Variants in NOS1AP observed in about 807,000 individuals in gnomAD.
The protein encoded by NOS1AP is carboxyl-terminal PDZ ligand of neuronal nitric oxide synthase protein.
Under a neutral mutation model 56.2 loss-of-function variants are expected in NOS1AP, and 21 were observed. The observed-to-expected ratio is 0.37, with a 90% CI of 0.26 to 0.54. The LOEUF is 0.54. Ranked by LOEUF, NOS1AP falls within the 20% of genes least tolerant of loss-of-function variation. The pLI is 0.84. For synonymous variants in NOS1AP, 270 were observed against 274.6 expected (o/e 0.98, Z 0.17); for missense variants, 522 against 657.8 (o/e 0.79, Z 2.26).
At position 162,212,038 on chromosome 1, in the gene NOS1AP, G is replaced by A. The variant is rs538184945; in HGVS notation, c.177+57562G>A. On this transcript the variant is annotated intron_variant, in intron 2 of 9. Transcript: ENST00000361897. ...TAAACCTAGCTCATAATCTCTAGTC[G>A]ATGCTATAGCTGGGGAAGGACCAGG... Among the ~76,000 whole-genome samples, 27 of 152,204 alleles carry A rather than the reference G, an allele frequency of 1.8e-4. 2 individuals are homozygous for A. Among genetic ancestry groups the A allele is most frequent in the Admixed American group, 1.5e-3 (23 of 15,284 alleles).
chr1:162,254,556 G>A (rs1311874316), intron 2 of NOS1AP, among the ~76,000 whole-genome samples: 1 of 152,170 alleles, frequency 6.6e-6, no homozygotes, highest in Admixed American at 6.5e-5. Flanking sequence ...AAACATGTTG[G>A]CCATTTTAGG....
chr1:162,165,667 C>G (rs567782851), intron 2 of NOS1AP, among the ~76,000 whole-genome samples: 3 of 152,260 alleles, frequency 2.0e-5, no homozygotes, highest in African/African-American at 7.2e-5. Context: ...CTCAGAGATC[C>G]TACAAGAACA....
At position 162,294,224 on chromosome 1, in the gene NOS1AP, G is replaced by GAAGGAAGA. The variant is rs1297513880; in HGVS notation, c.271-6406_271-6405insGAAGAAAG. On this transcript the variant is annotated intron_variant, in intron 3 of 9. Transcript: ENST00000361897. ...GGAAGGAAGGAAGGAAGGAAGGAAGGAAGAAAGAAAGGAAGGAAGGATAGC... is the reference window on the plus strand; with the variant it reads ...GGAAGGAAGGAAGGAAGGAAGGAAGGAAGGAAGAAAGAAAGAAAGGAAGGAAGGATAGC... Among the ~76,000 whole-genome samples the GAAGGAAGA allele has an allele frequency of 2.3e-3, 347 of 149,816 alleles. 4 individuals are homozygous for GAAGGAAGA. The highest frequency in any genetic ancestry group is 7.3e-3 in the African/African-American group (293 of 40,308).
chr1:162,102,382 A>G (rs1349639038), intron 1 of NOS1AP, among the ~76,000 whole-genome samples: 3 of 152,202 alleles, frequency 2.0e-5, no homozygotes, highest in East Asian at 3.8e-4. Flanking sequence ...ACTGATGTTC[A>G]TCAAGGATAT....
intron 3 of NOS1AP, among the ~76,000 whole-genome samples, chr1:162,288,162 G>A (rs1463506990): frequency 6.6e-6 from 1 of 152,180 alleles, no homozygotes; most frequent in Non-Finnish European, 1.5e-5. Context: ...GGGAGGATGT[G>A]TGTTTTCAAA....
intron 1 of NOS1AP, among the ~76,000 whole-genome samples, chr1:162,083,475 A>G (rs1003093471): frequency 1.3e-5 from 2 of 152,166 alleles, no homozygotes; most frequent in African/African-American, 4.8e-5. Context: ...TCCTGGGCTC[A>G]AGCAATCCTC....
At position 162,333,143 on chromosome 1, in the gene NOS1AP, G is replaced by T. The variant is rs374907852; in HGVS notation, c.453+18G>T. 26 of 1,542,516 alleles carry T rather than the reference G, an allele frequency of 1.7e-5. No individual in the cohort carries two copies. Among genetic ancestry groups the T allele is most frequent in the Middle Eastern group, 3.4e-4 (2 of 5,968 alleles). ...AGAAGAAGGTAAAGAGGCGGTTGCC[G>T]TCCATCTGCTATTTTCCTCTAATGG... On this transcript the variant is annotated intron_variant, in intron 5 of 9. Coordinates refer to ENST00000361897, the MANE Select transcript of NOS1AP (RefSeq NM_014697.3).
chr1:162,207,310 T>G (rs1385027717), intron 2 of NOS1AP, among the ~76,000 whole-genome samples: 1 of 152,194 alleles, frequency 6.6e-6, no homozygotes, highest in Non-Finnish European at 1.5e-5. Context: ...AATCACCGTC[T>G]ACCCACGCGA....
chr1:162,296,434 G>A (rs1655465326), intron 3 of NOS1AP, among the ~76,000 whole-genome samples: 1 of 152,176 alleles, frequency 6.6e-6, no homozygotes, highest in African/African-American at 2.4e-5. Context: ...CAAGGATGAA[G>A]GTCTGTAAAG....
intron 2 of NOS1AP, among the ~76,000 whole-genome samples, chr1:162,179,408 A>G (rs887911985): frequency 4.6e-5 from 7 of 152,134 alleles, no homozygotes; most frequent in African/African-American, 1.7e-4. Context: ...CTTATTTGTC[A>G]TGCTGTGCTA....
At chr1:162,095,694 C>T (rs1402694192) in intron 1 of NOS1AP, among the ~76,000 whole-genome samples, 4 of 152,152 alleles carry the variant, frequency 2.6e-5, no homozygotes, top group African/African-American at 4.8e-5. Context: ...TTACTTGTGT[C>T]ACAGAAGATG....
At chr1:162,304,050 A>G (rs1655742656) in intron 4 of NOS1AP, among the ~76,000 whole-genome samples, 1 of 152,066 alleles carries the variant, frequency 6.6e-6, no homozygotes, top group Non-Finnish European at 1.5e-5. Flanking sequence ...ACTCAAGGTC[A>G]CAAAGATTTT....
At chr1:162,228,649 G>T (rs1653019048) in intron 2 of NOS1AP, among the ~76,000 whole-genome samples, 1 of 152,206 alleles carries the variant, frequency 6.6e-6, no homozygotes, top group Admixed American at 6.5e-5. Context: ...GCCCAGCAAG[G>T]CTGACACTTA....
chr1:162,320,308 C>A (rs1217750418), intron 4 of NOS1AP, among the ~76,000 whole-genome samples: 1 of 152,236 alleles, frequency 6.6e-6, no homozygotes, highest in Non-Finnish European at 1.5e-5. Context: ...GCCTCCTTCA[C>A]AGCCTTCTGC....
intron 2 of NOS1AP, among the ~76,000 whole-genome samples, chr1:162,162,341 T>C (rs16857413): frequency 0.043 from 6,601 of 152,322 alleles, 298 homozygotes; most frequent in African/African-American, 0.11. Flanking sequence ...GTCGTTGGAA[T>C]AGAGAGACGA....
intron 1 of NOS1AP, among the ~76,000 whole-genome samples, chr1:162,145,455 C>T (rs1278281297): frequency 1.3e-5 from 2 of 152,178 alleles, no homozygotes; most frequent in Non-Finnish European, 2.9e-5. Flanking sequence ...TCCCCTCCCC[C>T]AGAGTATTTA....
At chr1:162,149,402 G>A (rs528136376) in intron 1 of NOS1AP, among the ~76,000 whole-genome samples, 1 of 152,334 alleles carries the variant, frequency 6.6e-6, no homozygotes, top group East Asian at 1.9e-4. Context: ...GCAGTTAGAA[G>A]GGCCACCCTC....
chr1:162,276,201 C>T (rs1654728403), intron 2 of NOS1AP, among the ~76,000 whole-genome samples: 1 of 152,172 alleles, frequency 6.6e-6, no homozygotes, highest in African/African-American at 2.4e-5. Flanking sequence ...ATGGTGAAAA[C>T]AGTCCTGCAG....
intron 4 of NOS1AP, among the ~76,000 whole-genome samples, chr1:162,322,461 C>A (rs1656452392): frequency 6.6e-6 from 1 of 152,164 alleles, no homozygotes; most frequent in Admixed American, 6.5e-5. Flanking sequence ...ACATGGGACT[C>A]CTCACATGCT....
Sources: gnomAD v4.1 joint callset for allele counts (sites outside exome capture counted in the v4.1 genomes callset) on GRCh38, gnomAD v4.1.1 for gene constraint, MANE v1.5 for transcripts, NCBI Gene and HGNC (gene_info 2026-07-23, HGNC 2026-07-21) for gene names.